MTBP: variants seen among roughly 807,000 people sequenced by gnomAD.
The protein encoded by MTBP is mdm2-binding protein.
A neutral mutation model predicts 117.0 loss-of-function variants in MTBP; 101 were observed. The ratio of observed to expected loss-of-function variants is 0.86; its 90% confidence interval spans 0.73 to 1.02. The LOEUF is 1.02. MTBP is among the 50% of genes least tolerant of loss of function. The pLI is 0.00. For missense variants in MTBP, 970 were observed against 1,030.9 expected, an observed-to-expected ratio of 0.94 and a Z score of 0.81; for synonymous variants, 350 against 351.5, an observed-to-expected ratio of 1.00 and a Z score of 0.05.
intron 13 of MTBP, among the ~76,000 whole-genome samples, chr8:120,492,360 G>T (rs1004027009): frequency 6.6e-6 from 1 of 152,162 alleles, no homozygotes; most frequent in Non-Finnish European, 1.5e-5. Flanking sequence ...GCAAAAGAAA[G>T]TTTCCAATGT....
intron 2 of MTBP, among the ~76,000 whole-genome samples, chr8:120,449,661 G>A (rs1813297778): frequency 6.6e-6 from 1 of 152,170 alleles, no homozygotes; most frequent in Non-Finnish European, 1.5e-5. Context: ...CTGAATCCCA[G>A]TATTTAGAAG....
At chr8:120,515,441 A>C (rs1814899410) in intron 17 of MTBP, among the ~76,000 whole-genome samples, 1 of 152,050 alleles carries the variant, frequency 6.6e-6, no homozygotes, top group Non-Finnish European at 1.5e-5. Flanking sequence ...GTGGGAACTG[A>C]GTTTCAAAGA....
chr8:120,486,696 G>T (rs4634687), intron 11 of MTBP, among the ~76,000 whole-genome samples: 80,374 of 151,936 alleles, frequency 0.53, 24,552 homozygotes, highest in Non-Finnish European at 0.67. Context: ...GGCCACAGCC[G>T]CTTGGATTGG....
At position 120,504,081 on chromosome 8, in the gene MTBP, G is replaced by A. The variant is rs187811193; in HGVS notation, c.1727+1472G>A. Among the ~76,000 whole-genome samples the A allele has an allele frequency of 2.6e-5, 4 of 152,216 alleles. No individual in the cohort carries two copies. The East Asian group carries it at 7.7e-4, about 29-fold the overall frequency. ...TCAATTTGGAGTTATCATCAGTAGG[G>A]ATTTCCAAATACATGATGGTTGATG... On this transcript the variant is annotated intron_variant, in intron 15 of 21. Transcript: ENST00000305949.
chr8:120,460,834 A>G (rs1440935337), intron 8 of MTBP, among the ~76,000 whole-genome samples: 1 of 151,988 alleles, frequency 6.6e-6, no homozygotes. Flanking sequence ...ACTATAGCCT[A>G]TTGTATCACC....
intron 4 of MTBP, 116 bp downstream of exon 4, chr8:120,451,438 A>T: frequency 1.1e-6 from 1 of 900,926 alleles, no homozygotes; most frequent in Non-Finnish European, 1.6e-6. Context: ...ACTCTAGTTA[A>T]TTGAAATTTT....
At position 120,515,986 on chromosome 8, in the gene MTBP, C is replaced by T. The variant is rs765087544; in HGVS notation, c.2041C>T (p.Arg681Cys). The T allele has an allele frequency of 3.7e-6, 6 of 1,612,838 alleles. No homozygotes were observed. The highest frequency in any genetic ancestry group is 3.3e-5 in the South Asian group (3 of 91,026). Residue 681 changes from arginine (R) to cysteine (C), a missense_variant, in exon 18 of 22, where the codon CGT becomes TGT. Coordinates refer to ENST00000305949, the MANE Select transcript of MTBP (RefSeq NM_022045.5). The part of the protein sequence containing the change: ...RDGGFSELQS[R>C]LIRYETQTTC... ...TGGAGGATTTTCTGAACTTCAGTCT[C>T]GTCTTATTCGTTATGAAACTCAAAC... is the stretch of plus-strand genomic sequence containing the variant.
Position 120,461,194 on chromosome 8 carries a change from G to A in MTBP, c.916G>A (p.Val306Met). Residue 306 changes from valine (V) to methionine (M), a missense_variant, in exon 9 of 22, where the codon GTG becomes ATG. Val to Met is a conservative substitution (Grantham distance 21). Coordinates refer to ENST00000305949, the MANE Select transcript of MTBP (RefSeq NM_022045.5). ...TTATTATGGCCCTGCTTTAGAATTT[G>A]TGCAGATGATAAAATTATCAGATCT... ...FHYYGPALEF[V>M]QMIKLSDLPS... is the part of the protein sequence containing the mutation. 1 of 1,604,338 alleles carries A rather than the reference G, an allele frequency of 6.2e-7. No individual in the cohort carries two copies. The highest frequency in any genetic ancestry group is 8.5e-7 in the Non-Finnish European group (1 of 1,172,326).
intron 2 of MTBP, among the ~76,000 whole-genome samples, chr8:120,448,216 G>T (rs955248554): frequency 6.6e-6 from 1 of 152,178 alleles, no homozygotes; most frequent in African/African-American, 2.4e-5. Flanking sequence ...ACAGATGTGA[G>T]CCACTGTGCC....
chr8:120,458,847 CAA>C (rs5894523), intron 7 of MTBP, among the ~76,000 whole-genome samples: 252 of 111,956 alleles, frequency 2.3e-3, no homozygotes, highest in East Asian at 3.5e-3. Context: ...ATCTCAAAGC[CAA>C]AAAAAAAAAA....
chr8:120,458,965 A>G (rs1813526767), intron 7 of MTBP, among the ~76,000 whole-genome samples: 2 of 152,288 alleles, frequency 1.3e-5, no homozygotes, highest in South Asian at 4.1e-4. Context: ...GTGGCTGCAT[A>G]GAATGAGCTT....
chr8:120,497,653 A>G (rs879177616), intron 14 of MTBP, 99 bp downstream of exon 14: 2 of 729,704 alleles, frequency 2.7e-6, no homozygotes, highest in South Asian at 4.6e-5. Context: ...ATCAAAATGT[A>G]TTTCACAAAT....
intron 11 of MTBP, among the ~76,000 whole-genome samples, chr8:120,483,971 A>G (rs1316791261): frequency 3.9e-5 from 6 of 152,140 alleles, no homozygotes; most frequent in East Asian, 1.9e-4. Flanking sequence ...TAAGTCTTCA[A>G]TTAACACCTG....
chr8:120,460,675 G>C (rs892407396), intron 8 of MTBP, among the ~76,000 whole-genome samples: 7 of 151,936 alleles, frequency 4.6e-5, no homozygotes, highest in East Asian at 1.9e-4. Flanking sequence ...ATCTCTCTCT[G>C]TAATTTATTT....
chr8:120,446,373 G>T, intron 1 of MTBP, 60 bp from the exon 2 acceptor site: 1 of 1,013,606 alleles, frequency 9.9e-7, no homozygotes. Context: ...GGTGAAATTG[G>T]ACTAAGTTAG....
intron 12 of MTBP, among the ~76,000 whole-genome samples, chr8:120,489,554 G>A (rs187327684): frequency 6.6e-6 from 1 of 152,336 alleles, no homozygotes; most frequent in Admixed American, 6.5e-5. Flanking sequence ...AGTAACGGGA[G>A]TCCAAATACA....
At chr8:120,506,910 T>A in intron 16 of MTBP, 49 bp downstream of exon 16, 1 of 1,463,958 alleles carries the variant, frequency 6.8e-7, no homozygotes, top group Non-Finnish European at 9.2e-7. Context: ...AAATTACTTT[T>A]AAATAAAATT....
At chr8:120,469,396 G>A (rs1202546076) in intron 10 of MTBP, among the ~76,000 whole-genome samples, 1 of 152,142 alleles carries the variant, frequency 6.6e-6, no homozygotes, top group East Asian at 1.9e-4. Flanking sequence ...TAGAATGGTC[G>A]ACAATGAGTT....
intron 9 of MTBP, among the ~76,000 whole-genome samples, chr8:120,462,353 A>G (rs1220603543): frequency 6.6e-6 from 1 of 152,194 alleles, no homozygotes; most frequent in African/African-American, 2.4e-5. Context: ...TGATTTATTT[A>G]TTACATGCGG....
Sources: allele counts gnomAD v4.1 joint callset (sites outside exome capture counted in the v4.1 genomes callset), GRCh38; gene constraint gnomAD v4.1.1; transcripts MANE v1.5; gene names NCBI Gene and HGNC (gene_info 2026-07-23, HGNC 2026-07-21).